Variants in SMOC2 observed in about 807,000 individuals in gnomAD.
SMOC2 encodes the protein SPARC related modular calcium binding 2, also known as SPARC-related modular calcium-binding protein 2.
Under a neutral mutation model 61.4 loss-of-function variants are expected in SMOC2, and 39 were observed. That is an observed-to-expected ratio of 0.64 (90% CI 0.49 to 0.83). The LOEUF (loss-of-function observed/expected upper bound fraction) is 0.83, where lower values mean the gene tolerates loss of function less well. Among genes scored for constraint, SMOC2 ranks in the 40% least tolerant of loss-of-function variants. The pLI is 0.00. For synonymous variants in SMOC2, 247 were observed against 239.9 expected (o/e 1.03, Z -0.27); for missense variants, 556 against 592.9 (o/e 0.94, Z 0.65).
At chr6:168,625,057 G>A (rs1484913135) in intron 9 of SMOC2, among the ~76,000 whole-genome samples, 1 of 152,130 alleles carries the variant, frequency 6.6e-6, no homozygotes, top group African/African-American at 2.4e-5. Flanking sequence ...TGTGGACCCC[G>A]ACCCTGCCCC....
At chr6:168,664,830 C>G (rs1473391776) in intron 12 of SMOC2, 3 of 470,726 alleles carry the variant, frequency 6.4e-6, no homozygotes, top group Admixed American at 4.7e-5. Context: ...TCATGTCTCT[C>G]TCCTTCAAAG....
intron 9 of SMOC2, among the ~76,000 whole-genome samples, chr6:168,637,758 A>G (rs1233862692): frequency 6.6e-6 from 1 of 152,210 alleles, no homozygotes; most frequent in Non-Finnish European, 1.5e-5. Flanking sequence ...CTGCAAAACC[A>G]GTGCCTGAGA....
intron 11 of SMOC2, among the ~76,000 whole-genome samples, chr6:168,656,507 T>TAAAAAA (rs5881805): frequency 1.0e-4 from 9 of 86,802 alleles, no homozygotes; most frequent in African/African-American, 1.6e-4. Flanking sequence ...GACTTTGTGT[T>TAAAAAA]AAAAAAAAAA....
At chr6:168,649,324 C>T (rs1373215419) in intron 9 of SMOC2, among the ~76,000 whole-genome samples, 6 of 152,218 alleles carry the variant, frequency 3.9e-5, no homozygotes, top group Admixed American at 6.5e-5. Context: ...GTGGTGAGGA[C>T]GGTCCGAGCA....
At chr6:168,514,104 C>T (rs1562563982) in intron 2 of SMOC2, among the ~76,000 whole-genome samples, 1 of 152,120 alleles carries the variant, frequency 6.6e-6, no homozygotes, top group South Asian at 2.1e-4. Flanking sequence ...AAGCACAGGA[C>T]CCCAAAGTGC....
At chr6:168,531,504 G>T (rs1184454427) in intron 4 of SMOC2, among the ~76,000 whole-genome samples, 4 of 152,214 alleles carry the variant, frequency 2.6e-5, no homozygotes, top group African/African-American at 4.8e-5. Context: ...GGAAGGAGAA[G>T]ATAGGAAAAG....
chr6:168,460,219 G>A (rs1781689724), intron 1 of SMOC2, among the ~76,000 whole-genome samples: 1 of 152,086 alleles, frequency 6.6e-6, no homozygotes, highest in East Asian at 1.9e-4. Context: ...CTCCTCAAAT[G>A]AAATCCCCTA....
rs183654717 is a variant in SMOC2, at chr6:168,587,652, G to A, written c.638-11166G>A. ...AGCAATAGGGTGGAGGAAGCCATCA[G>A]ATCTGCACCTGTCTCAGGTGAGCTG... On this transcript the variant is annotated intron_variant, in intron 7 of 12. Transcript: ENST00000356284. 1.1e-3 allele frequency among the ~76,000 whole-genome samples: 170 copies of A among 152,342 alleles called. 2 individuals carry two copies. Among genetic ancestry groups the A allele is most frequent in the Non-Finnish European group, 1.2e-3 (82 of 68,036 alleles).
intron 7 of SMOC2, among the ~76,000 whole-genome samples, chr6:168,574,916 C>T (rs1440345598): frequency 2.0e-5 from 3 of 152,188 alleles, no homozygotes; most frequent in African/African-American, 7.2e-5. Flanking sequence ...TAGGTGACTT[C>T]GTGCCGGGGT....
intron 9 of SMOC2, among the ~76,000 whole-genome samples, chr6:168,635,849 C>T (rs1044934627): frequency 2.2e-5 from 3 of 138,778 alleles, no homozygotes; most frequent in Admixed American, 1.5e-4. Flanking sequence ...CCAGCCTGGG[C>T]AACAGAACAA....
chr6:168,575,947 C>T (rs7757262), intron 7 of SMOC2, among the ~76,000 whole-genome samples: 12,888 of 151,950 alleles, frequency 0.085, 906 homozygotes, highest in East Asian at 0.18. Flanking sequence ...CCCTGCCTGT[C>T]GGCCACATGC....
At chr6:168,513,379 CTG>C (rs1783053851) in intron 2 of SMOC2, among the ~76,000 whole-genome samples, 1 of 151,316 alleles carries the variant, frequency 6.6e-6, no homozygotes, top group East Asian at 1.9e-4. Context: ...TTTCAGTAAA[CTG>C]TACGTTATTT....
intron 9 of SMOC2, among the ~76,000 whole-genome samples, chr6:168,623,628 A>C (rs538594696): frequency 7.1e-6 from 1 of 141,256 alleles, no homozygotes; most frequent in Non-Finnish European, 1.5e-5. Context: ...GAGCCACCAC[A>C]CCTGGCCAAT....
Position 168,475,133 on chromosome 6 carries a change from C to T in SMOC2, c.84+33679C>T, listed in dbSNP as rs986424261. ...GCTGGTTTCTCATTTTAGGAAACCA[C>T]GGTCTAGTGAGGAGTTTGGAATCGG... is the stretch of plus-strand genomic sequence containing the variant. On this transcript the variant is annotated intron_variant, in intron 1 of 12. Coordinates refer to ENST00000356284, the MANE Select transcript of SMOC2 (RefSeq NM_001166412.2). This position sits in a 1 kb window ranked among gnomAD's most constrained non-coding sequence, Gnocchi z 4.6. Among the ~76,000 whole-genome samples, 4 of 152,084 alleles carry T rather than the reference C, an allele frequency of 2.6e-5. No homozygotes were observed. The highest frequency in any genetic ancestry group is 1.3e-4 in the Admixed American group (2 of 15,274).
intron 1 of SMOC2, among the ~76,000 whole-genome samples, chr6:168,496,818 T>C (rs1287083889): frequency 6.6e-6 from 1 of 152,164 alleles, no homozygotes; most frequent in Non-Finnish European, 1.5e-5. Context: ...CAGAGGACTG[T>C]GGGGAGAATT....
intron 7 of SMOC2, among the ~76,000 whole-genome samples, chr6:168,573,662 G>A (rs984614460): frequency 2.6e-5 from 4 of 152,094 alleles, no homozygotes; most frequent in African/African-American, 9.7e-5. Context: ...TGGGAACTCC[G>A]TGGCCCCTGC....
intron 9 of SMOC2, among the ~76,000 whole-genome samples, chr6:168,613,522 A>G (rs532681912): frequency 1.6e-4 from 25 of 152,240 alleles, no homozygotes; most frequent in Non-Finnish European, 2.5e-4. Flanking sequence ...CCTCTCACCC[A>G]AGTGTTTCTG....
chr6:168,626,342 C>G (rs183092537), intron 9 of SMOC2, among the ~76,000 whole-genome samples: 239 of 152,312 alleles, frequency 1.6e-3, no homozygotes, highest in African/African-American at 5.7e-3. Context: ...TTGCCAGCGT[C>G]TGTTTTTCCT....
intron 1 of SMOC2, among the ~76,000 whole-genome samples, chr6:168,462,446 C>A (rs1781737191): frequency 6.6e-6 from 1 of 152,102 alleles, no homozygotes; most frequent in Non-Finnish European, 1.5e-5. Context: ...GTCCTTCCAG[C>A]TCAGCCCCCT....
Sources: gnomAD v4.1 joint callset for allele counts (sites outside exome capture counted in the v4.1 genomes callset) on GRCh38, gnomAD v4.1.1 for gene constraint, Gnocchi (gnomAD v3.1) non-coding constraint, MANE v1.5 for transcripts, NCBI Gene and HGNC (gene_info 2026-07-23, HGNC 2026-07-21) for gene names.